Variants in CHN2 observed in about 807,000 individuals in gnomAD.
CHN2 encodes the protein chimerin 2.
CHN2 carries 35 observed loss-of-function variants against 56.3 expected under a neutral mutation model. The ratio of observed to expected loss-of-function variants is 0.62; its 90% confidence interval spans 0.47 to 0.82. CHN2 has a LOEUF of 0.82. CHN2 is among the 40% of genes least tolerant of loss of function. The pLI is 0.00. For missense variants in CHN2, 491 were observed against 580.5 expected, an observed-to-expected ratio of 0.85 and a Z score of 1.58; for synonymous variants, 210 against 212.8, an observed-to-expected ratio of 0.99 and a Z score of 0.12.
chr7:29,485,466 A>G (rs564160425), intron 7 of CHN2, among the ~76,000 whole-genome samples: 1 of 152,292 alleles, frequency 6.6e-6, no homozygotes, highest in South Asian at 2.1e-4. Flanking sequence ...TGAGCATTCA[A>G]AGAGGAGGGG....
chr7:29,258,866 ATCTT>A (rs1789294986), intron 1 of CHN2, among the ~76,000 whole-genome samples: 1 of 151,772 alleles, frequency 6.6e-6, no homozygotes, highest in African/African-American at 2.4e-5. Context: ...TCCCACTTCC[ATCTT>A]TCTATCTTTA....
chr7:29,239,198 G>A (rs112995720), intron 1 of CHN2, among the ~76,000 whole-genome samples: 30 of 152,298 alleles, frequency 2.0e-4, no homozygotes, highest in African/African-American at 6.5e-4. Context: ...AGTGACATAT[G>A]CTTGAATTTT....
chr7:29,471,226 C>G (rs1368918806), intron 6 of CHN2, among the ~76,000 whole-genome samples: 1 of 152,190 alleles, frequency 6.6e-6, no homozygotes, highest in Non-Finnish European at 1.5e-5. Context: ...AATATTGACT[C>G]TCTCAAAAAC....
chr7:29,497,396 G>A (rs934220273), intron 8 of CHN2, among the ~76,000 whole-genome samples: 2 of 152,204 alleles, frequency 1.3e-5, no homozygotes, highest in East Asian at 3.9e-4. Flanking sequence ...TCAATATTAT[G>A]AGAACAAAAC....
intron 7 of CHN2, 68 bp downstream of exon 7, chr7:29,480,424 C>A: frequency 1.3e-6 from 2 of 1,510,096 alleles, no homozygotes; most frequent in Non-Finnish European, 1.8e-6. Context: ...TGTATAGTTT[C>A]CGTCTGGTTT....
At chr7:29,412,597 G>A (rs1803349936) in intron 6 of CHN2, among the ~76,000 whole-genome samples, 1 of 152,066 alleles carries the variant, frequency 6.6e-6, no homozygotes, top group Admixed American at 6.5e-5. Flanking sequence ...CCAAAGTGCT[G>A]GGATTACAGG....
intron 1 of CHN2, among the ~76,000 whole-genome samples, chr7:29,282,047 G>A (rs1401809353): frequency 6.6e-6 from 1 of 152,200 alleles, no homozygotes; most frequent in East Asian, 1.9e-4. Flanking sequence ...GCCGGGATGG[G>A]AACTATGACC....
rs1046345886 is a variant in CHN2, at chr7:29,509,412, C to G, written c.1235+6C>G. ...CTAATGATCCACCTCAAAAAGTAAGCTCATGTCTCGTGCACAAAGCCTGCT... is the reference window on the plus strand; with the variant it reads ...CTAATGATCCACCTCAAAAAGTAAGGTCATGTCTCGTGCACAAAGCCTGCT... On this transcript the variant is annotated splice_donor_region_variant and intron_variant, in intron 12 of 12. Transcript: ENST00000222792. 6.2e-7 allele frequency: 1 copy of G among 1,609,154 alleles called. No individual in the cohort carries two copies. The highest frequency in any genetic ancestry group is 8.5e-7 in the Non-Finnish European group (1 of 1,175,734).
chr7:29,374,773 A>G lies in CHN2; in HGVS notation c.144+6786A>G, dbSNP rs1361670073. Among the ~76,000 whole-genome samples the G allele has an allele frequency of 4.8e-5, 7 of 145,262 alleles. No homozygotes were observed. The South Asian group carries it at 6.6e-4, about 14-fold the overall frequency. ...CAAAGTTTCCGGAGAAGATTCTTCAATCTCTCTGGGTGATTTTTATTTCTT... is the reference window on the plus strand; with the variant it reads ...CAAAGTTTCCGGAGAAGATTCTTCAGTCTCTCTGGGTGATTTTTATTTCTT... On this transcript the variant is annotated intron_variant, in intron 3 of 12. Coordinates refer to ENST00000222792, the MANE Select transcript of CHN2 (RefSeq NM_004067.4).
At chr7:29,338,386 A>G (rs995677297) in intron 1 of CHN2, among the ~76,000 whole-genome samples, 2 of 152,222 alleles carry the variant, frequency 1.3e-5, no homozygotes, top group South Asian at 2.1e-4. Context: ...AGTGTCTAGT[A>G]TGAGAGACAG....
chr7:29,184,640 C>G (rs1171778634), intron 2 of CHN2: 1 of 152,208 alleles, frequency 6.6e-6, no homozygotes, highest in Non-Finnish European at 1.5e-5. Flanking sequence ...TCTGTTTTCT[C>G]CAGGCCTTCA....
intron 6 of CHN2, among the ~76,000 whole-genome samples, chr7:29,475,745 G>T (rs973106836): frequency 1.3e-5 from 2 of 152,206 alleles, no homozygotes; most frequent in Admixed American, 6.5e-5. Flanking sequence ...CATGCTAAGT[G>T]AAATATCTAA....
At chr7:29,509,142 C>A (rs993271792) in intron 11 of CHN2, among the ~76,000 whole-genome samples, 159 bp from the exon 12 acceptor site, 1 of 152,188 alleles carries the variant, frequency 6.6e-6, no homozygotes, top group East Asian at 1.9e-4. Flanking sequence ...CTGAATGACA[C>A]AGGACACCAA....
At chr7:29,164,887 G>A (rs577116064) in intron 2 of CHN2, among the ~76,000 whole-genome samples, 23 of 151,686 alleles carry the variant, frequency 1.5e-4, no homozygotes, top group Non-Finnish European at 5.9e-5. Flanking sequence ...ACTTTCTAGA[G>A]TGTTCCATTG....
chr7:29,332,189 AC>A lies in CHN2; in HGVS notation c.50-22433del, dbSNP rs568691195. Among the ~76,000 whole-genome samples, 798 of 152,260 alleles carry A rather than the reference AC, an allele frequency of 5.2e-3. 7 individuals are homozygous for A. The highest frequency in any genetic ancestry group is 0.024 in the Middle Eastern group (7 of 294). ...AGTGGCGCGAGACTGTCCAAGCTCC[AC>A]CCAAGCTTGGCCCCTTACCAGCTGG... On this transcript the variant is annotated intron_variant, in intron 1 of 12. Transcript: ENST00000222792.
At chr7:29,177,216 TTTTC>T (rs1797463455) in intron 2 of CHN2, among the ~76,000 whole-genome samples, 1 of 143,600 alleles carries the variant, frequency 7.0e-6, no homozygotes, top group Non-Finnish European at 1.5e-5. Flanking sequence ...TCTTTTTCTT[TTTTC>T]TTTCTTTTTT....
Position 29,512,851 on chromosome 7 carries a change from G to T in CHN2, c.*116G>T. The T allele has an allele frequency of 8.8e-7, 1 of 1,132,718 alleles. No individual in the cohort carries two copies. The highest frequency in any genetic ancestry group is 1.2e-6 in the Non-Finnish European group (1 of 803,474). The allele number at this position is 1,132,718 out of a possible 1,614,324, so 70.2% of individuals were successfully genotyped here. A position where few individuals can be genotyped will look rare whatever the true frequency, so the allele number is the denominator to read the frequency against. On this transcript the variant is annotated 3_prime_UTR_variant, in exon 13 of 13. Transcript: ENST00000222792. ...TCCAAGCAAGTGCTAGAATTTCCTG[G>T]ACTGCAGAGGATCGCTGAGTGGGGT...
intron 1 of CHN2, chr7:29,197,880 A>G (rs1300608477): frequency 2.2e-6 from 1 of 456,026 alleles, no homozygotes; most frequent in Non-Finnish European, 4.4e-6. Context: ...TGGAAATGTC[A>G]TATGAGTTGG....
intron 7 of CHN2, among the ~76,000 whole-genome samples, chr7:29,482,848 G>A (rs1160899289): frequency 1.1e-5 from 1 of 90,198 alleles, no homozygotes. Context: ...TTGAGACGGA[G>A]TCTCGCTGTG....
Sources: allele counts gnomAD v4.1 joint callset (sites outside exome capture counted in the v4.1 genomes callset), GRCh38; gene constraint gnomAD v4.1.1; transcripts MANE v1.5; gene names NCBI Gene and HGNC (gene_info 2026-07-23, HGNC 2026-07-21).